The following ARHGAP39 variants were observed in gnomAD, a reference collection of about 807,000 sequenced individuals.
The protein encoded by ARHGAP39 is Rho GTPase activating protein 39, also known as rho GTPase-activating protein 39.
In ARHGAP39, 44 loss-of-function variants were observed where a neutral mutation model predicts 106.9. That is an observed-to-expected ratio of 0.41 (90% CI 0.32 to 0.53). ARHGAP39 has a LOEUF of 0.53. ARHGAP39 is among the 20% of genes least tolerant of loss of function. The pLI, the probability that ARHGAP39 is intolerant of heterozygous loss-of-function variation, is 0.21. For missense variants in ARHGAP39, 1,496 were observed against 1,577.3 expected (o/e 0.95, Z 0.87); for synonymous variants, 768 against 693.2 (o/e 1.11, Z -1.69).
At chr8:144,567,410 C>G (rs969076565) in intron 3 of ARHGAP39, among the ~76,000 whole-genome samples, 1 of 152,144 alleles carries the variant, frequency 6.6e-6, no homozygotes, top group Non-Finnish European at 1.5e-5. Context: ...GGAAGACACC[C>G]GTTGCCAAGC....
chr8:144,602,341 A>C (rs1254213236), intron 2 of ARHGAP39, among the ~76,000 whole-genome samples: 13 of 111,520 alleles, frequency 1.2e-4, no homozygotes, highest in African/African-American at 4.3e-4. Context: ...GAGCTCGTGT[A>C]CCTGTATGCA....
At chr8:144,662,178 T>G (rs1031106128) in intron 1 of ARHGAP39, among the ~76,000 whole-genome samples, 2 of 150,982 alleles carry the variant, frequency 1.3e-5, no homozygotes, top group Admixed American at 1.3e-4. Flanking sequence ...ATTATCCACC[T>G]TGGATCACTC....
chr8:144,635,159 T>G (rs1208363191), intron 1 of ARHGAP39, among the ~76,000 whole-genome samples: 1 of 152,244 alleles, frequency 6.6e-6, no homozygotes. Flanking sequence ...GTGAGTTGAC[T>G]CAGGGCTGCA....
rs368555290 is a variant in ARHGAP39, at chr8:144,623,514, G to T, written c.-81-17819C>A. Among the ~76,000 whole-genome samples the T allele has an allele frequency of 2.8e-4, 43 of 152,350 alleles. No homozygotes were observed. In the South Asian group the frequency reaches 8.9e-3, roughly 32 times the overall value. ...CGGCTCCATCGAGGCTGGCTCTGTG[G>T]ATACAAGGCTTCCGCGACTGGCGAG... On this transcript the variant is annotated intron_variant, in intron 1 of 11. Coordinates refer to ENST00000377307, the MANE Select transcript of ARHGAP39 (RefSeq NM_025251.3).
intron 2 of ARHGAP39, among the ~76,000 whole-genome samples, chr8:144,598,147 G>C (rs1046802786): frequency 1.3e-5 from 2 of 152,216 alleles, no homozygotes; most frequent in South Asian, 4.1e-4. Context: ...CTCGAAGGCT[G>C]GACACCTGCG....
chr8:144,575,125 G>A (rs895024647), intron 3 of ARHGAP39, among the ~76,000 whole-genome samples: 1 of 152,136 alleles, frequency 6.6e-6, no homozygotes, highest in African/African-American at 2.4e-5. Flanking sequence ...TGGTATAAAA[G>A]ATAAAAAATG....
the ARHGAP39 span, among the ~76,000 whole-genome samples, chr8:144,692,589 C>CG: frequency 6.6e-6 from 1 of 152,142 alleles, no homozygotes; most frequent in Non-Finnish European, 1.5e-5. Context: ...GGCTGTGGAC[C>CG]GGCTTGCTCT....
chr8:144,608,742 C>T (rs41286689), intron 1 of ARHGAP39, among the ~76,000 whole-genome samples: 2 of 152,290 alleles, frequency 1.3e-5, no homozygotes, highest in East Asian at 3.9e-4. Context: ...AAACATCTCT[C>T]TCTAGTTGGG....
At chr8:144,693,676 TGGCC>T in the ARHGAP39 span, among the ~76,000 whole-genome samples, 3 of 152,288 alleles carry the variant, frequency 2.0e-5, no homozygotes, top group Admixed American at 6.5e-5. Flanking sequence ...CCCAGCCGCC[TGGCC>T]GTAAAATTCT....
In ARHGAP39 at chr8:144,586,144, A is replaced by T. The variant is rs904535289; in HGVS notation, c.81-4867T>A. On this transcript the variant is annotated intron_variant, in intron 2 of 11. Transcript: ENST00000377307. This position sits in a 1 kb window ranked among gnomAD's most constrained non-coding sequence, Gnocchi z 4.2. Reference sequence around the variant, plus strand: ...CAGGTGTATGCCACCACAGCTGGCTATTTTTTTTGTATTTTTAGTAGGGAT... The same window carrying T: ...CAGGTGTATGCCACCACAGCTGGCTTTTTTTTTTGTATTTTTAGTAGGGAT... 6.6e-6 allele frequency: 1 copy of T among 151,948 alleles called. No homozygotes were observed. The highest frequency in any genetic ancestry group is 2.4e-5 in the African/African-American group (1 of 41,324). 9.4% of individuals were successfully genotyped at this position (151,948 alleles called of 1,614,324 possible). A position where few individuals can be genotyped will look rare whatever the true frequency, so the allele number is the denominator to read the frequency against.
At chr8:144,613,645 A>C (rs1353518384) in intron 1 of ARHGAP39, among the ~76,000 whole-genome samples, 1 of 150,484 alleles carries the variant, frequency 6.6e-6, no homozygotes, top group Non-Finnish European at 1.5e-5. Context: ...TTTGAGATTT[A>C]TCTCTTTGTA....
intron 1 of ARHGAP39, among the ~76,000 whole-genome samples, chr8:144,642,408 G>A (rs1230496430): frequency 6.6e-6 from 1 of 151,940 alleles, no homozygotes; most frequent in African/African-American, 2.4e-5. Context: ...AATTGCTTGA[G>A]CCTGGGAGGC....
chr8:144,532,457 C>T (rs1816766786), intron 9 of ARHGAP39, 61 bp from the exon 10 acceptor site: 1 of 1,455,474 alleles, frequency 6.9e-7, no homozygotes, highest in Admixed American at 1.8e-5. Context: ...CATGATTCCG[C>T]CTGGACACTC....
At chr8:144,566,862 G>GAAAAAAAAAAAA (rs376603057) in intron 3 of ARHGAP39, among the ~76,000 whole-genome samples, 1 of 92,998 alleles carries the variant, frequency 1.1e-5, no homozygotes, top group African/African-American at 3.4e-5. Flanking sequence ...CTCAAAAAAA[G>GAAAAAAAAAAAA]AAAAAAAAAA....
intron 2 of ARHGAP39, among the ~76,000 whole-genome samples, chr8:144,600,664 A>G (rs1433459636): frequency 5.7e-5 from 5 of 87,808 alleles, no homozygotes; most frequent in Admixed American, 1.2e-4. Context: ...GTGTGCGTGC[A>G]CACTTGTGTA....
chr8:144,569,622 T>C (rs1818516169), intron 3 of ARHGAP39, among the ~76,000 whole-genome samples: 1 of 152,106 alleles, frequency 6.6e-6, no homozygotes, highest in Non-Finnish European at 1.5e-5. Flanking sequence ...CTTAGGAATG[T>C]GGGGGATTGT....
rs140367423 is a variant in ARHGAP39 at position 144,632,937 on chromosome 8, C to G, written c.-81-27242G>C. Among the ~76,000 whole-genome samples, 1,087 of 152,326 alleles carry G rather than the reference C, an allele frequency of 7.1e-3. 14 individuals are homozygous for G. Among genetic ancestry groups the G allele is most frequent in the African/African-American group, 0.024 (1,015 of 41,574 alleles). On this transcript the variant is annotated intron_variant, in intron 1 of 11. Transcript: ENST00000377307. ...ATCTTCCGGGCCATGCTCAGTAGGC[C>G]AAGACCTGCCTAAGCAACATAGTGA...
At chr8:144,676,003 C>T (rs1209270688) in intron 1 of ARHGAP39, among the ~76,000 whole-genome samples, 7 of 150,700 alleles carry the variant, frequency 4.6e-5, no homozygotes, top group Non-Finnish European at 1.0e-4. Flanking sequence ...TTCATGGTCT[C>T]GCTGGCTTCA....
At chr8:144,654,036 A>C (rs1462669923) in intron 1 of ARHGAP39, among the ~76,000 whole-genome samples, 1 of 152,212 alleles carries the variant, frequency 6.6e-6, no homozygotes, top group Non-Finnish European at 1.5e-5. Flanking sequence ...AAAGGAGGAG[A>C]CAGTAGTGAA....
Sources: gnomAD v4.1 joint callset for allele counts (sites outside exome capture counted in the v4.1 genomes callset) on GRCh38, gnomAD v4.1.1 for gene constraint, Gnocchi (gnomAD v3.1) non-coding constraint, MANE v1.5 for transcripts, NCBI Gene and HGNC (gene_info 2026-07-23, HGNC 2026-07-21) for gene names.